NTM: variants seen among roughly 807,000 people sequenced by gnomAD.
NTM encodes neurotrimin.
In NTM, 13 loss-of-function variants were observed where a neutral mutation model predicts 42.1. The observed-to-expected ratio is 0.31, with a 90% CI of 0.20 to 0.49. The LOEUF is 0.49. NTM is among the 20% of genes least tolerant of loss of function. The pLI, the probability that NTM is intolerant of heterozygous loss-of-function variation, is 0.99. For synonymous variants in NTM, 187 were observed against 179.2 expected (o/e 1.04, Z -0.35); for missense variants, 373 against 452.8 (o/e 0.82, Z 1.60).
intron 2 of NTM, among the ~76,000 whole-genome samples, chr11:131,930,596 T>C (rs1329705135): frequency 6.6e-6 from 1 of 152,184 alleles, no homozygotes; most frequent in African/African-American, 2.4e-5. Context: ...ATCTAAGAAA[T>C]AGAACCTTCT....
At chr11:131,436,927 A>G (rs1315709511) in intron 1 of NTM, among the ~76,000 whole-genome samples, 1 of 152,208 alleles carries the variant, frequency 6.6e-6, no homozygotes, top group African/African-American at 2.4e-5. Flanking sequence ...ATTTAGTGGT[A>G]TAAACTTCCC....
chr11:132,040,870 G>A (rs1176953831), intron 2 of NTM, among the ~76,000 whole-genome samples: 1 of 152,156 alleles, frequency 6.6e-6, no homozygotes, highest in Non-Finnish European at 1.5e-5. Flanking sequence ...CCACTAGCTA[G>A]CTATGTGACC....
In NTM at chr11:132,268,666, C is replaced by CTGTGTGTGTGTGTGTG. The variant is rs755450370; in HGVS notation, c.527-39022_527-39021insGTGTGTGTGTGTGTGT. Among the ~76,000 whole-genome samples, 71 of 88,038 alleles carry CTGTGTGTGTGTGTGTG rather than the reference C, an allele frequency of 8.1e-4. 1 individual carries two copies. The highest frequency in any genetic ancestry group is 2.1e-3 in the East Asian group (9 of 4,228). 57.8% of individuals were successfully genotyped at this position (88,038 alleles called of 152,430 possible). A position where few individuals can be genotyped will look rare whatever the true frequency, so the allele number is the denominator to read the frequency against. On this transcript the variant is annotated intron_variant, in intron 4 of 8. Transcript: ENST00000683400. The stretch of plus-strand genomic sequence containing the variant: ...GTTTGTGGTGTGGGGTCCTCTCTCT[C>CTGTGTGTGTGTGTGTG]TCTCTGTGTGTGTGTGTGTGTGTGT...
intron 1 of NTM, among the ~76,000 whole-genome samples, chr11:131,428,633 G>A (rs1387741983): frequency 6.6e-6 from 1 of 152,082 alleles, no homozygotes; most frequent in African/African-American, 2.4e-5. Flanking sequence ...GAAAGAACAG[G>A]AAGAAATTAA....
intron 2 of NTM, among the ~76,000 whole-genome samples, chr11:132,063,998 G>A (rs2081070287): frequency 6.6e-6 from 1 of 152,176 alleles, no homozygotes; most frequent in Admixed American, 6.5e-5. Flanking sequence ...TAGCACGTGG[G>A]CACCACACCA....
At chr11:132,329,561 G>GA (rs1442523016) in intron 7 of NTM, among the ~76,000 whole-genome samples, 1 of 152,206 alleles carries the variant, frequency 6.6e-6, no homozygotes, top group Non-Finnish European at 1.5e-5. Flanking sequence ...AGCTCATCAA[G>GA]AAAAGTCAAA....
At chr11:131,901,789 A>G (rs576545746) in intron 1 of NTM, among the ~76,000 whole-genome samples, 2 of 152,366 alleles carry the variant, frequency 1.3e-5, no homozygotes, top group Admixed American at 6.5e-5. Context: ...CACGTTGACA[A>G]CATTTTCCAA....
intron 1 of NTM, among the ~76,000 whole-genome samples, chr11:131,403,542 A>G (rs1308621776): frequency 1.3e-5 from 2 of 152,180 alleles, no homozygotes; most frequent in Non-Finnish European, 2.9e-5. Context: ...AAGATCAACA[A>G]CAAAAAACCC....
At chr11:132,073,077 C>T (rs1475295257) in intron 2 of NTM, among the ~76,000 whole-genome samples, 2 of 152,156 alleles carry the variant, frequency 1.3e-5, no homozygotes, top group African/African-American at 2.4e-5. Flanking sequence ...GATGTGCTAG[C>T]TCCTTCTGTC....
intron 6 of NTM, 96 bp from the exon 7 acceptor site, chr11:132,314,456 G>C: frequency 7.5e-7 from 1 of 1,342,126 alleles, no homozygotes; most frequent in Non-Finnish European, 1.0e-6. Flanking sequence ...CAGAAAGGGG[G>C]GCAAGGAGAA....
intron 4 of NTM, among the ~76,000 whole-genome samples, chr11:132,290,751 G>A (rs778338897): frequency 6.6e-5 from 10 of 152,128 alleles, no homozygotes; most frequent in Non-Finnish European, 1.3e-4. Flanking sequence ...TTTTTAAAAA[G>A]CACCAAGTAG....
At chr11:131,701,285 C>T (rs553807991) in intron 1 of NTM, among the ~76,000 whole-genome samples, 38 of 152,162 alleles carry the variant, frequency 2.5e-4, no homozygotes, top group Non-Finnish European at 4.9e-4. Context: ...GATAATGCCA[C>T]CTACCCACAG....
chr11:131,597,730 A>G (rs950684325), intron 1 of NTM, among the ~76,000 whole-genome samples: 13 of 152,352 alleles, frequency 8.5e-5, no homozygotes, highest in Admixed American at 3.9e-4. Flanking sequence ...AGAACATTCA[A>G]TTAAAATCTT....
At chr11:131,893,788 T>C (rs2051772228) in intron 1 of NTM, among the ~76,000 whole-genome samples, 1 of 151,960 alleles carries the variant, frequency 6.6e-6, no homozygotes, top group African/African-American at 2.4e-5. Flanking sequence ...GACCTCAGAG[T>C]TGGTCTCCAT....
At chr11:132,316,714 G>T (rs914423554) in intron 7 of NTM, among the ~76,000 whole-genome samples, 2 of 152,138 alleles carry the variant, frequency 1.3e-5, no homozygotes, top group African/African-American at 4.8e-5. Flanking sequence ...TGCTGCCTGG[G>T]TAACATAATT....
chr11:131,799,535 C>G (rs1333290739), intron 1 of NTM, among the ~76,000 whole-genome samples: 1 of 152,084 alleles, frequency 6.6e-6, no homozygotes, highest in Non-Finnish European at 1.5e-5. Context: ...CAATTCAAGG[C>G]CCCTGAAGAT....
intron 7 of NTM, among the ~76,000 whole-genome samples, chr11:132,318,117 G>C (rs1457051358): frequency 2.6e-5 from 4 of 152,112 alleles, no homozygotes; most frequent in African/African-American, 4.8e-5. Flanking sequence ...GCATCAACTG[G>C]CTCATGAGGT....
At chr11:132,257,545 T>C (rs2092576627) in intron 4 of NTM, among the ~76,000 whole-genome samples, 1 of 152,136 alleles carries the variant, frequency 6.6e-6, no homozygotes, top group Admixed American at 6.5e-5. Flanking sequence ...TGCCCTGCAG[T>C]GTGGCCTGGG....
At chr11:131,372,891 T>A (rs1941412812) in intron 1 of NTM, among the ~76,000 whole-genome samples, 1 of 152,188 alleles carries the variant, frequency 6.6e-6, no homozygotes, top group African/African-American at 2.4e-5. Context: ...GGTGCCAATT[T>A]CTCTAAGGTG....
Sources: gnomAD v4.1 joint callset for allele counts (sites outside exome capture counted in the v4.1 genomes callset) on GRCh38, gnomAD v4.1.1 for gene constraint, MANE v1.5 for transcripts, NCBI Gene and HGNC (gene_info 2026-07-23, HGNC 2026-07-21) for gene names.